The following GRID2 variants were observed in gnomAD, a reference collection of about 807,000 sequenced individuals.
GRID2 encodes the protein glutamate ionotropic receptor delta type subunit 2, also known as glutamate receptor ionotropic, delta-2.
A neutral mutation model predicts 114.8 loss-of-function variants in GRID2; 33 were observed. The observed-to-expected ratio is 0.29, with a 90% CI of 0.22 to 0.38. GRID2 has a LOEUF of 0.38. Ranked by LOEUF, GRID2 falls within the 10% of genes least tolerant of loss-of-function variation. The probability of loss-of-function intolerance (pLI) is 1.00; values close to 1 mark genes in which losing one functional copy is unlikely to be tolerated. For synonymous variants in GRID2, 505 were observed against 449.9 expected (o/e 1.12, Z -1.55); for missense variants, 1,184 against 1,257.7 (o/e 0.94, Z 0.89).
intron 2 of GRID2, among the ~76,000 whole-genome samples, chr4:92,989,260 G>C (rs1228325799): frequency 8.7e-6 from 1 of 115,522 alleles, no homozygotes; most frequent in Non-Finnish European, 1.6e-5. Context: ...CTGGGTGACA[G>C]AGCGAGACTC....
intron 2 of GRID2, among the ~76,000 whole-genome samples, chr4:92,761,678 C>A (rs530008284): frequency 7.9e-5 from 12 of 152,210 alleles, no homozygotes; most frequent in African/African-American, 2.9e-4. Flanking sequence ...AACTGCAGGG[C>A]TCACAAGGAA....
At chr4:92,758,136 G>T (rs1183876450) in intron 2 of GRID2, among the ~76,000 whole-genome samples, 2 of 151,986 alleles carry the variant, frequency 1.3e-5, no homozygotes, top group Non-Finnish European at 2.9e-5. Context: ...TGGTAGATCT[G>T]GTATTGGAAA....
At chr4:92,362,027 G>T (rs1728642065) in intron 1 of GRID2, among the ~76,000 whole-genome samples, 1 of 151,956 alleles carries the variant, frequency 6.6e-6, no homozygotes, top group African/African-American at 2.4e-5. Context: ...TTCAAACCCA[G>T]ATGGAAAAAT....
At chr4:93,618,213 T>A (rs1741889351) in intron 13 of GRID2, among the ~76,000 whole-genome samples, 1 of 152,220 alleles carries the variant, frequency 6.6e-6, no homozygotes, top group Non-Finnish European at 1.5e-5. Context: ...CTCAAAGATT[T>A]TTTTGGTCTC....
At chr4:92,682,236 C>T (rs778028873) in intron 2 of GRID2, among the ~76,000 whole-genome samples, 2 of 152,068 alleles carry the variant, frequency 1.3e-5, no homozygotes, top group African/African-American at 2.4e-5. Context: ...TCTTGTTTAG[C>T]CAGGTCTAAG....
intron 2 of GRID2, among the ~76,000 whole-genome samples, chr4:93,055,706 T>C (rs964947048): frequency 2.6e-5 from 4 of 151,946 alleles, no homozygotes; most frequent in African/African-American, 9.7e-5. Context: ...TTGAACAAAT[T>C]GATTTCTACT....
intron 13 of GRID2, among the ~76,000 whole-genome samples, chr4:93,519,021 G>A (rs142344165): frequency 5.9e-5 from 9 of 152,136 alleles, no homozygotes; most frequent in Non-Finnish European, 8.8e-5. Context: ...TCTGCATCAC[G>A]TGAGAGCTTC....
chr4:92,699,704 A>G (rs1401379405), intron 2 of GRID2, among the ~76,000 whole-genome samples: 1 of 152,222 alleles, frequency 6.6e-6, no homozygotes, highest in East Asian at 1.9e-4. Flanking sequence ...TGCATGGCTA[A>G]GAAACCTCTA....
intron 8 of GRID2, among the ~76,000 whole-genome samples, chr4:93,303,715 C>G (rs566936988): frequency 6.6e-6 from 1 of 152,242 alleles, no homozygotes; most frequent in African/African-American, 2.4e-5. Context: ...ACCTATCCAT[C>G]TATCTGGTTA....
At chr4:92,337,932 G>T (rs1415899475) in intron 1 of GRID2, among the ~76,000 whole-genome samples, 2 of 152,056 alleles carry the variant, frequency 1.3e-5, no homozygotes, top group African/African-American at 4.8e-5. Context: ...TTATTCTTTG[G>T]CCATGAACTG....
At chr4:93,083,152 T>C (rs926578248) in intron 2 of GRID2, among the ~76,000 whole-genome samples, 1 of 152,154 alleles carries the variant, frequency 6.6e-6, no homozygotes, top group African/African-American at 2.4e-5. Context: ...CTTTCTTATT[T>C]TGATTTTAAA....
intron 14 of GRID2, among the ~76,000 whole-genome samples, chr4:93,685,700 A>G (rs1444521496): frequency 6.6e-6 from 1 of 151,960 alleles, no homozygotes; most frequent in Non-Finnish European, 1.5e-5. Context: ...GGCACTTCCA[A>G]TTCTCTGCTT....
At chr4:93,808,672 A>C (rs1735077430) in exon 2 of GRID2, 1 of 152,180 alleles carries the variant, frequency 6.6e-6, no homozygotes, top group Non-Finnish European at 1.5e-5. Flanking sequence ...CCATAGAGAC[A>C]TTCCACCATT....
intron 2 of GRID2, among the ~76,000 whole-genome samples, chr4:92,634,591 T>G (rs1730972249): frequency 1.3e-5 from 2 of 152,132 alleles, no homozygotes; most frequent in Admixed American, 6.6e-5. Context: ...TTTAACATTC[T>G]AAATCATTAC....
intron 13 of GRID2, among the ~76,000 whole-genome samples, chr4:93,598,131 C>T (rs1406092533): frequency 6.6e-6 from 1 of 152,158 alleles, no homozygotes; most frequent in African/African-American, 2.4e-5. Flanking sequence ...GAAACTTAAG[C>T]TCGTTGAAGT....
At chr4:92,932,364 GACAC>G (rs1311416014) in intron 2 of GRID2, among the ~76,000 whole-genome samples, 2 of 151,048 alleles carry the variant, frequency 1.3e-5, no homozygotes, top group African/African-American at 2.4e-5. Flanking sequence ...ATGGCTTTTA[GACAC>G]ACACACATAC....
intron 1 of GRID2, among the ~76,000 whole-genome samples, chr4:92,339,291 T>G (rs1242140832): frequency 6.6e-6 from 1 of 152,128 alleles, no homozygotes; most frequent in African/African-American, 2.4e-5. Context: ...AGAATCTTTT[T>G]TATATACAGA....
At chr4:93,331,129 C>CT (rs1236548120) in intron 8 of GRID2, among the ~76,000 whole-genome samples, 2 of 145,500 alleles carry the variant, frequency 1.4e-5, no homozygotes, top group African/African-American at 5.1e-5. Context: ...CTATCTAACC[C>CT]CCCCCCCATT....
In GRID2 at chr4:92,573,452, G is replaced by A. The variant is rs1213132100; in HGVS notation, c.89-16679G>A. On this transcript the variant is annotated intron_variant, in intron 1 of 15. Coordinates refer to ENST00000282020, the MANE Select transcript of GRID2 (RefSeq NM_001510.4). ...TAGCTGTTTGATGTGGGCAGTTAGT[G>A]CTATAAATTTCCCTCTTGACACTGC... 1.3e-5 allele frequency among the ~76,000 whole-genome samples: 2 copies of A among 152,038 alleles called. 1 individual carries two copies. Among genetic ancestry groups the A allele is most frequent in the Middle Eastern group, 6.3e-3 (2 of 316 alleles).
Sources: gnomAD v4.1 joint callset for allele counts (sites outside exome capture counted in the v4.1 genomes callset) on GRCh38, gnomAD v4.1.1 for gene constraint, MANE v1.5 for transcripts, NCBI Gene and HGNC (gene_info 2026-07-23, HGNC 2026-07-21) for gene names.